The following TMPRSS12 variants were observed in gnomAD, a reference collection of about 807,000 sequenced individuals.
TMPRSS12 encodes the protein transmembrane protease serine 12.
Under a neutral mutation model 26.0 loss-of-function variants are expected in TMPRSS12, and 25 were observed. The ratio of observed to expected loss-of-function variants is 0.96; its 90% CI spans 0.70 to 1.34. The LOEUF (loss-of-function observed/expected upper bound fraction) is 1.34. TMPRSS12 is among the 40% of genes most tolerant of loss of function. The pLI is 0.00. For synonymous variants in TMPRSS12, 150 were observed against 161.7 expected (o/e 0.93, Z 0.55); for missense variants, 441 against 440.1 (o/e 1.00, Z -0.02).
At chr12:50,846,329 T>G (rs1937767400) in intron 2 of TMPRSS12, among the ~76,000 whole-genome samples, 1 of 152,154 alleles carries the variant, frequency 6.6e-6, no homozygotes, top group Admixed American at 6.5e-5. Flanking sequence ...AGGTATCAGG[T>G]AAGGGTACAA....
intron 2 of TMPRSS12, among the ~76,000 whole-genome samples, chr12:50,854,249 TA>T (rs992402442): frequency 1.3e-4 from 20 of 152,114 alleles, no homozygotes; most frequent in African/African-American, 4.6e-4. Context: ...AGGCTTTTGA[TA>T]AAATTCAACA....
At chr12:50,882,329 A>G (rs1938184031) in intron 3 of TMPRSS12, among the ~76,000 whole-genome samples, 1 of 149,160 alleles carries the variant, frequency 6.7e-6, no homozygotes, top group Non-Finnish European at 1.5e-5. Context: ...TTACAGCCAG[A>G]CATGGTGGTA....
At chr12:50,853,581 CAA>C (rs34657217) in intron 2 of TMPRSS12, among the ~76,000 whole-genome samples, 243 of 102,374 alleles carry the variant, frequency 2.4e-3, no homozygotes, top group African/African-American at 8.2e-3. Flanking sequence ...GCTAGACTAA[CAA>C]AAAAAAAAAA....
Position 50,857,817 on chromosome 12 carries a change from CGTT to C in TMPRSS12, c.384-943_384-941del, listed in dbSNP as rs547869410. Among the ~76,000 whole-genome samples the C allele has an allele frequency of 3.5e-3, 335 of 96,846 alleles. 5 individuals carry two copies. Among genetic ancestry groups the C allele is most frequent in the African/African-American group, 1.0e-2 (273 of 27,380 alleles). The allele number at this position is 96,846 out of a possible 152,430, so 63.5% of individuals were successfully genotyped here. ...TTGTTGTTGTTGTTGTCGTTGTTGTCGTTGTTGTTGTTGTTGTTGTTGTTGTTT... is the reference window on the plus strand; with the variant it reads ...TTGTTGTTGTTGTTGTCGTTGTTGTCGTTGTTGTTGTTGTTGTTGTTGTTT... On this transcript the variant is annotated intron_variant, in intron 2 of 4. Transcript: ENST00000398458.
intron 2 of TMPRSS12, among the ~76,000 whole-genome samples, chr12:50,851,272 A>T (rs829128): frequency 1.3e-5 from 2 of 151,964 alleles, no homozygotes; most frequent in African/African-American, 4.8e-5. Flanking sequence ...ACAAGATTCC[A>T]GAGAAATCTG....
intron 3 of TMPRSS12, among the ~76,000 whole-genome samples, chr12:50,875,363 C>T (rs1938102999): frequency 6.6e-6 from 1 of 151,560 alleles, no homozygotes; most frequent in Admixed American, 6.6e-5. Flanking sequence ...TGGTGGCACA[C>T]ACCTGTAATC....
At chr12:50,884,282 A>G (rs1390440084) in intron 3 of TMPRSS12, among the ~76,000 whole-genome samples, 2 of 152,192 alleles carry the variant, frequency 1.3e-5, no homozygotes, top group Non-Finnish European at 2.9e-5. Flanking sequence ...TTAATACTAG[A>G]AGAAGGTACA....
chr12:50,851,189 A>T (rs548131638), intron 2 of TMPRSS12, among the ~76,000 whole-genome samples: 10 of 152,364 alleles, frequency 6.6e-5, no homozygotes, highest in Admixed American at 6.5e-4. Context: ...CTCCCAAGTG[A>T]TGGTTCTTAA....
At chr12:50,852,757 A>T (rs1337146620) in intron 2 of TMPRSS12, among the ~76,000 whole-genome samples, 1 of 152,244 alleles carries the variant, frequency 6.6e-6, no homozygotes, top group African/African-American at 2.4e-5. Context: ...AAAGAGCATT[A>T]CATAATGATA....
intron 3 of TMPRSS12, among the ~76,000 whole-genome samples, chr12:50,865,767 A>G (rs1239396927): frequency 2.0e-5 from 3 of 152,112 alleles, no homozygotes; most frequent in Non-Finnish European, 4.4e-5. Context: ...ATAGAATTAC[A>G]GATTAGTTTT....
chr12:50,853,303 A>G (rs1410501974), intron 2 of TMPRSS12, among the ~76,000 whole-genome samples: 3 of 152,160 alleles, frequency 2.0e-5, no homozygotes, highest in Non-Finnish European at 2.9e-5. Context: ...AACATACCAG[A>G]ATCTCTGGCA....
intron 3 of TMPRSS12, among the ~76,000 whole-genome samples, chr12:50,871,600 T>A (rs541146308): frequency 6.6e-6 from 1 of 152,150 alleles, no homozygotes; most frequent in Non-Finnish European, 1.5e-5. Context: ...TAGCTGGGAC[T>A]TAATTAAAGA....
At chr12:50,882,223 G>A (rs1938181756) in intron 3 of TMPRSS12, among the ~76,000 whole-genome samples, 1 of 142,956 alleles carries the variant, frequency 7.0e-6, no homozygotes, top group African/African-American at 2.6e-5. Context: ...GCCAATGTGG[G>A]AGAATTGCTT....
intron 4 of TMPRSS12, chr12:50,885,704 G>T: frequency 1.8e-6 from 1 of 565,216 alleles, no homozygotes. Flanking sequence ...CACCCATGCT[G>T]GAGTGCAGTG....
At chr12:50,872,929 T>TATATATGTACATATATATGAC (rs1938079560) in intron 3 of TMPRSS12, among the ~76,000 whole-genome samples, 3 of 74,832 alleles carry the variant, frequency 4.0e-5, no homozygotes, top group African/African-American at 1.5e-4. Context: ...ACATATATGA[T>TATATATGTACATATATATGAC]GTATATATGT....
intron 2 of TMPRSS12, among the ~76,000 whole-genome samples, chr12:50,855,644 C>T (rs981089150): frequency 7.9e-5 from 12 of 152,160 alleles, no homozygotes; most frequent in South Asian, 2.1e-4. Context: ...GAAACCAGTA[C>T]GGAGATTTCT....
chr12:50,886,349 C>G (rs1938226505), intron 4 of TMPRSS12: 1 of 151,954 alleles, frequency 6.6e-6, no homozygotes, highest in South Asian at 2.1e-4. Flanking sequence ...TGCTTTTTTA[C>G]TCTTCCTTTA....
chr12:50,885,140 T>C, intron 3 of TMPRSS12, 106 bp from the exon 4 acceptor site: 2 of 960,094 alleles, frequency 2.1e-6, no homozygotes, highest in Non-Finnish European at 1.5e-6. Context: ...TAATTTTACA[T>C]AATTATTGCA....
chr12:50,857,820 T>C (rs397833768), intron 2 of TMPRSS12, among the ~76,000 whole-genome samples: 2 of 143,852 alleles, frequency 1.4e-5, no homozygotes, highest in Non-Finnish European at 1.5e-5. Context: ...TTGTTGTCGT[T>C]GTTGTTGTTG....
Sources: gnomAD v4.1 joint callset for allele counts (sites outside exome capture counted in the v4.1 genomes callset) on GRCh38, gnomAD v4.1.1 for gene constraint, MANE v1.5 for transcripts, NCBI Gene and HGNC (gene_info 2026-07-23, HGNC 2026-07-21) for gene names.